The following EYS variants were observed in gnomAD, a reference collection of about 807,000 sequenced individuals.
EYS encodes protein eyes shut homolog.
A neutral mutation model predicts 282.1 loss-of-function variants in EYS; 250 were observed. That is an observed-to-expected ratio of 0.89 (90% confidence interval 0.80 to 0.98). The LOEUF is 0.98. EYS is among the 50% of genes least tolerant of loss of function. EYS has a pLI of 0.00. For missense variants in EYS, 4,016 were observed against 3,709.0 expected (o/e 1.08, Z -2.15); for synonymous variants, 1,355 against 1,282.9 (o/e 1.06, Z -1.20).
intron 5 of EYS, among the ~76,000 whole-genome samples, chr6:65,414,941 A>C (rs571366327): frequency 1.1e-3 from 173 of 152,226 alleles, no homozygotes; most frequent in African/African-American, 4.1e-3. Flanking sequence ...GTGTATAGAA[A>C]ATATAAAGAT....
At chr6:64,636,344 G>A (rs185227568) in intron 22 of EYS, among the ~76,000 whole-genome samples, 445 of 152,166 alleles carry the variant, frequency 2.9e-3, no homozygotes, top group South Asian at 0.022. Context: ...TGAGGAAAGC[G>A]TTCCCTATTT....
At chr6:65,049,008 C>T (rs932973156) in intron 13 of EYS, among the ~76,000 whole-genome samples, 2 of 151,756 alleles carry the variant, frequency 1.3e-5, no homozygotes, top group South Asian at 2.1e-4. Flanking sequence ...AGAAAAGTAA[C>T]CACATGAGAT....
intron 8 of EYS, among the ~76,000 whole-genome samples, chr6:65,374,589 G>C (rs1765290102): frequency 6.6e-6 from 1 of 151,686 alleles, no homozygotes; most frequent in Admixed American, 6.6e-5. Flanking sequence ...TGAAGCCAGG[G>C]AGCAAAGCGG....
chr6:63,834,329 T>C (rs1196071522), intron 36 of EYS, among the ~76,000 whole-genome samples: 3 of 152,084 alleles, frequency 2.0e-5, no homozygotes, highest in Non-Finnish European at 4.4e-5. Flanking sequence ...GGGAGTAATA[T>C]GCAGAATCCA....
At chr6:65,297,175 A>G (rs1272249872) in intron 11 of EYS, among the ~76,000 whole-genome samples, 1 of 151,642 alleles carries the variant, frequency 6.6e-6, no homozygotes. Context: ...TTTTATATAC[A>G]TACATAATTG....
At chr6:65,117,998 T>TA (rs1167348577) in intron 12 of EYS, among the ~76,000 whole-genome samples, 3 of 152,110 alleles carry the variant, frequency 2.0e-5, no homozygotes, top group Non-Finnish European at 4.4e-5. Context: ...AGACAATAAC[T>TA]ACAAGAGATA....
At chr6:64,824,297 A>G (rs1211154519) in intron 19 of EYS, among the ~76,000 whole-genome samples, 2 of 152,072 alleles carry the variant, frequency 1.3e-5, no homozygotes, top group Admixed American at 6.6e-5. Context: ...TTTCTCCCAC[A>G]GGAAAGGGCA....
rs181287926 is a variant in EYS, at chr6:63,991,284, T to C, written c.6835-6681A>G. ...GTCCAAAAAGACTGGAAGAAGTGAC[T>C]GTCTTATCAAATGTGTGGATTCCAC... On this transcript the variant is annotated intron_variant, in intron 34 of 42. Coordinates refer to ENST00000503581, the MANE Select transcript of EYS (RefSeq NM_001142800.2). Among the ~76,000 whole-genome samples the C allele has an allele frequency of 2.0e-5, 3 of 151,762 alleles. No homozygotes were observed. The East Asian group carries it at 5.8e-4, about 30-fold the overall frequency.
intron 28 of EYS, among the ~76,000 whole-genome samples, chr6:64,412,127 G>A (rs1392565191): frequency 6.6e-6 from 1 of 151,032 alleles, no homozygotes; most frequent in Admixed American, 6.6e-5. Context: ...TGAAAAATAT[G>A]GCCAATAAAA....
At chr6:63,771,678 G>A (rs1769928933) in intron 40 of EYS, among the ~76,000 whole-genome samples, 1 of 152,102 alleles carries the variant, frequency 6.6e-6, no homozygotes. Flanking sequence ...AAAAGACCAC[G>A]AGAGAAAAGA....
At chr6:64,854,958 C>A (rs1193017479) in intron 19 of EYS, among the ~76,000 whole-genome samples, 1 of 152,096 alleles carries the variant, frequency 6.6e-6, no homozygotes, top group Admixed American at 6.6e-5. Context: ...TTTGTGTTGA[C>A]AGTTTTTTTA....
At chr6:63,919,335 T>G (rs1739013504) in intron 35 of EYS, among the ~76,000 whole-genome samples, 1 of 97,308 alleles carries the variant, frequency 1.0e-5, no homozygotes. Context: ...TTTTTTTTTT[T>G]GTGCAGCCTG....
chr6:64,786,687 C>G (rs1774032235), intron 22 of EYS, among the ~76,000 whole-genome samples: 1 of 152,218 alleles, frequency 6.6e-6, no homozygotes. Context: ...CTCAGAGCAT[C>G]TGGTCCAGGT....
chr6:64,802,023 C>CTTTTTCT (rs1764251098), intron 22 of EYS, among the ~76,000 whole-genome samples: 2 of 70,780 alleles, frequency 2.8e-5, no homozygotes, highest in Non-Finnish European at 2.7e-5. Flanking sequence ...ATTTCTTTTT[C>CTTTTTCT]TTTTTTTTTC....
At chr6:65,200,116 T>C (rs1181977126) in intron 12 of EYS, among the ~76,000 whole-genome samples, 3 of 152,144 alleles carry the variant, frequency 2.0e-5, no homozygotes, top group Admixed American at 2.0e-4. Context: ...AGATCAAAAC[T>C]AGAGTTATTA....
intron 22 of EYS, among the ~76,000 whole-genome samples, chr6:64,655,375 TATC>T (rs1768708999): frequency 6.6e-6 from 1 of 152,108 alleles, no homozygotes; most frequent in African/African-American, 2.4e-5. Context: ...CTAATAATGT[TATC>T]AGGATATCAA....
intron 14 of EYS, among the ~76,000 whole-genome samples, chr6:64,962,952 C>T (rs919733602): frequency 6.6e-6 from 1 of 152,094 alleles, no homozygotes; most frequent in Non-Finnish European, 1.5e-5. Flanking sequence ...TATCATATCT[C>T]CTTGCTTCTG....
At chr6:65,556,705 C>T (rs1582451854) in intron 2 of EYS, among the ~76,000 whole-genome samples, 1 of 151,942 alleles carries the variant, frequency 6.6e-6, no homozygotes, top group East Asian at 1.9e-4. Context: ...ATTTTAATAT[C>T]CTCAAAATTT....
chr6:65,227,482 G>A (rs1182334050), intron 12 of EYS, among the ~76,000 whole-genome samples: 1 of 152,150 alleles, frequency 6.6e-6, no homozygotes, highest in Non-Finnish European at 1.5e-5. Flanking sequence ...TAAAGCCACT[G>A]TAGAAAATGA....
Sources: allele counts gnomAD v4.1 joint callset (sites outside exome capture counted in the v4.1 genomes callset), GRCh38; gene constraint gnomAD v4.1.1; transcripts MANE v1.5; gene names NCBI Gene and HGNC (gene_info 2026-07-23, HGNC 2026-07-21).